DMD: variants seen among roughly 807,000 people sequenced by gnomAD.
DMD encodes mutant dystrophin.
DMD carries 63 observed loss-of-function variants against 330.1 expected under a neutral mutation model. That is an observed-to-expected ratio of 0.19 (90% CI 0.16 to 0.24). The LOEUF (loss-of-function observed/expected upper bound fraction) is 0.24, where lower values mean the gene tolerates loss of function less well. Among genes scored for constraint, DMD ranks in the 10% least tolerant of loss-of-function variants. The pLI is 1.00. For missense variants in DMD, 3,344 were observed against 2,684.1 expected, an observed-to-expected ratio of 1.25 and a Z score of -5.43; for synonymous variants, 1,223 against 959.8, an observed-to-expected ratio of 1.27 and a Z score of -5.07.
chrX:32,040,148 T>A (rs912225395), intron 44 of DMD, among the ~76,000 whole-genome samples: 6 of 112,140 alleles, frequency 5.4e-5, no homozygotes, highest in Middle Eastern at 9.2e-3. Flanking sequence ...ACGCATATTA[T>A]TGGGCATGTA....
chrX:32,959,589 G>T (rs4313319), intron 2 of DMD, among the ~76,000 whole-genome samples: 11,872 of 110,617 alleles, frequency 0.11, 611 homozygotes, highest in South Asian at 0.24. Flanking sequence ...CTTCCCTCTT[G>T]ACTTGACATC....
intron 2 of DMD, among the ~76,000 whole-genome samples, chrX:32,898,992 TAAA>T (rs1244656923): frequency 9.0e-6 from 1 of 111,571 alleles, no homozygotes; most frequent in African/African-American, 3.3e-5. Flanking sequence ...CATGCACACA[TAAA>T]AAAAAGTGCT....
At chrX:31,258,702 A>C (rs1037235100) in intron 63 of DMD, among the ~76,000 whole-genome samples, 6 of 112,285 alleles carry the variant, frequency 5.3e-5, no homozygotes, top group Non-Finnish European at 9.4e-5. Flanking sequence ...CCAATGTCAC[A>C]AGTCATGAGA....
At chrX:32,453,709 G>C (rs1307645036) in intron 26 of DMD, among the ~76,000 whole-genome samples, 14 of 110,568 alleles carry the variant, frequency 1.3e-4, no homozygotes, top group Admixed American at 1.2e-3. Flanking sequence ...ACAAACGAAG[G>C]AATTTGGCTC....
At chrX:31,819,576 G>A (rs985662891) in intron 50 of DMD, among the ~76,000 whole-genome samples, 3 of 112,953 alleles carry the variant, frequency 2.7e-5, no homozygotes, top group African/African-American at 9.6e-5. Flanking sequence ...CCTGGCCAAT[G>A]GCTGGCTGGA....
intron 44 of DMD, chrX:32,155,251 C>G (rs758703085): frequency 1.2e-4 from 24 of 198,907 alleles, no homozygotes; most frequent in Non-Finnish European, 1.8e-4. Flanking sequence ...ACTGCTCACA[C>G]GCTCCTGCAT....
chrX:31,123,874 CA>C lies in DMD; in HGVS notation c.11047-1945del, dbSNP rs201930778. On this transcript the variant is annotated intron_variant, in intron 78 of 78. Transcript: ENST00000357033. Reference sequence around the variant, plus strand: ...TTTCCTGTCAGCTTATCGATAATCACAAAGTGTCTTTCTTTTTAGGCTGTGT... The same window carrying C: ...TTTCCTGTCAGCTTATCGATAATCACAAGTGTCTTTCTTTTTAGGCTGTGT... Among the ~76,000 whole-genome samples, 863 of 111,631 alleles carry C rather than the reference CA, an allele frequency of 7.7e-3. 17 individuals are homozygous for C. Among genetic ancestry groups the C allele is most frequent in the African/African-American group, 0.027 (815 of 30,742 alleles).
chrX:32,902,781 T>C lies in DMD; in HGVS notation c.94-52961A>G, dbSNP rs770463771. ...GAAAAAAGGTAAAACATGATTGATA[T>C]AGGAAAACAGCTTTACATTATAAAT... On this transcript the variant is annotated intron_variant, in intron 2 of 78. Coordinates refer to ENST00000357033, the MANE Select transcript of DMD (RefSeq NM_004006.3). Among the ~76,000 whole-genome samples the C allele has an allele frequency of 3.6e-5, 4 of 110,599 alleles. No homozygotes were observed. In the South Asian group the frequency reaches 1.5e-3, roughly 42 times the overall value.
chrX:32,393,514 G>A (rs1055846814), intron 30 of DMD, among the ~76,000 whole-genome samples: 2 of 111,836 alleles, frequency 1.8e-5, no homozygotes, highest in Admixed American at 9.5e-5. Flanking sequence ...CGATAACTAA[G>A]GAAATTCATA....
intron 55 of DMD, among the ~76,000 whole-genome samples, chrX:31,510,751 C>T (rs899690920): frequency 4.5e-5 from 5 of 110,326 alleles, no homozygotes; most frequent in South Asian, 3.9e-4. Context: ...CCTCGTGATC[C>T]GCCCACCTTG....
intron 1 of DMD, among the ~76,000 whole-genome samples, chrX:33,280,070 C>T (rs747057649): frequency 2.2e-5 from 2 of 89,493 alleles, no homozygotes; most frequent in African/African-American, 4.4e-5. Flanking sequence ...GCAACCTCTG[C>T]CTCCTGGGCT....
At chrX:31,522,363 C>CTCTATATATATATATATATATATATA in intron 55 of DMD, among the ~76,000 whole-genome samples, 1 of 35,964 alleles carries the variant, frequency 2.8e-5, no homozygotes, top group Non-Finnish European at 4.2e-5. Flanking sequence ...CTCTCTCTCT[C>CTCTATATATATATATATATATATATA]TATATATATA....
chrX:32,848,653 G>T (rs111843070), intron 3 of DMD, among the ~76,000 whole-genome samples: 33 of 110,970 alleles, frequency 3.0e-4, no homozygotes, highest in African/African-American at 9.8e-4. Flanking sequence ...GAATTTAATT[G>T]AGGAGGGATG....
chrX:32,977,005 C>T (rs772534436), intron 2 of DMD, among the ~76,000 whole-genome samples: 252 of 111,418 alleles, frequency 2.3e-3, no homozygotes, highest in African/African-American at 7.9e-3. Flanking sequence ...AAAAGAAACA[C>T]GGTAGCCTGG....
chrX:31,266,872 A>G, intron 62 of DMD: 1 of 1,198,753 alleles, frequency 8.3e-7, no homozygotes. Flanking sequence ...CGAGTGGAGG[A>G]GTGAGCTTCC....
intron 51 of DMD, among the ~76,000 whole-genome samples, chrX:31,730,044 G>A (rs2086386237): frequency 8.9e-6 from 1 of 111,865 alleles, no homozygotes; most frequent in Non-Finnish European, 1.9e-5. Context: ...CCTTGAGTAA[G>A]AAATGTTATT....
At chrX:33,170,020 C>G (rs1407975700) in intron 1 of DMD, among the ~76,000 whole-genome samples, 1 of 111,119 alleles carries the variant, frequency 9.0e-6, no homozygotes, top group African/African-American at 3.3e-5. Context: ...GGCTAATGCC[C>G]AGGGCAAGAT....
At chrX:31,838,800 T>A (rs1200195289) in intron 48 of DMD, among the ~76,000 whole-genome samples, 2 of 111,430 alleles carry the variant, frequency 1.8e-5, no homozygotes, top group Non-Finnish European at 3.8e-5. Context: ...GTGACAATGA[T>A]GTGAATAGCT....
chrX:32,431,908 A>T (rs2098239871), intron 29 of DMD, among the ~76,000 whole-genome samples: 2 of 110,810 alleles, frequency 1.8e-5, no homozygotes, highest in African/African-American at 6.6e-5. Context: ...GATGAGCTCA[A>T]GTTCCCCTGA....
Sources: gnomAD v4.1 joint callset for allele counts (sites outside exome capture counted in the v4.1 genomes callset) on GRCh38, gnomAD v4.1.1 for gene constraint, MANE v1.5 for transcripts, NCBI Gene and HGNC (gene_info 2026-07-23, HGNC 2026-07-21) for gene names.